The following VPS26C variants were observed in gnomAD, a reference collection of about 807,000 sequenced individuals.
VPS26C encodes the protein VPS26 endosomal protein sorting factor C.
In VPS26C, 19 loss-of-function variants were observed where a neutral mutation model predicts 30.6. That is an observed-to-expected ratio of 0.62 (90% CI 0.43 to 0.91). VPS26C has a LOEUF of 0.91. Ranked by LOEUF, VPS26C falls within the 40% of genes least tolerant of loss-of-function variation. The pLI, the probability that VPS26C is intolerant of heterozygous loss-of-function variation, is 0.00. For missense variants in VPS26C, 318 were observed against 385.1 expected (o/e 0.83, Z 1.46); for synonymous variants, 132 against 151.5 (o/e 0.87, Z 0.95).
intron 1 of VPS26C, among the ~76,000 whole-genome samples, chr21:37,242,137 T>A (rs2086093617): frequency 6.6e-6 from 1 of 152,252 alleles, no homozygotes; most frequent in African/African-American, 2.4e-5. Context: ...AAAATGGAGA[T>A]GACTGTGTTT....
At position 37,225,329 on chromosome 21, in the gene VPS26C, G is replaced by A; in HGVS notation, c.*215C>T. 1.8e-6 allele frequency: 1 copy of A among 562,726 alleles called. No individual in the cohort carries two copies. Among genetic ancestry groups the A allele is most frequent in the Non-Finnish European group, 3.2e-6 (1 of 313,238 alleles). 34.9% of individuals were successfully genotyped at this position (562,726 alleles called of 1,614,324 possible). On this transcript the variant is annotated 3_prime_UTR_variant, in exon 8 of 8. Coordinates refer to ENST00000309117, the MANE Select transcript of VPS26C (RefSeq NM_006052.2). ...GCAAATAGCATTAAGAAATCTTGTT[G>A]AATTTCAAAGAAAAGGTCTGATTAG...
chr21:37,227,559 G>A lies in VPS26C; in HGVS notation c.811+95C>T, dbSNP rs907076779. On this transcript the variant is annotated intron_variant, in intron 7 of 7. Coordinates refer to ENST00000309117, the MANE Select transcript of VPS26C (RefSeq NM_006052.2). ...GGCCCTGGCACTGAGGGACCGAAGG[G>A]CGGCAGGTTCTGAGCTCTGTGACCC... The A allele has an allele frequency of 5.6e-6, 8 of 1,431,502 alleles. No homozygotes were observed. The African/African-American group carries it at 9.9e-5, about 18-fold the overall frequency. 88.7% of individuals were successfully genotyped at this position (1,431,502 alleles called of 1,614,324 possible).
chr21:37,245,473 CTGCAGGACTCGGTTCCGTGAGCCCACATT>C (rs1165104675), intron 1 of VPS26C, among the ~76,000 whole-genome samples: 1 of 152,180 alleles, frequency 6.6e-6, no homozygotes, highest in Non-Finnish European at 1.5e-5. Flanking sequence ...TCTCAGATAC[CTGCAGGACTCGGTTCCGTGAGCCCACATT>C]TGAAACTGTA....
At chr21:37,267,356 G>A (rs369799571), upstream of VPS26C, 550 of 1,478,316 alleles carry the variant, frequency 3.7e-4, 5 homozygotes, top group African/African-American at 6.8e-3. Context: ...AACAAGGGGC[G>A]CCTCCCCGCT....
At chr21:37,235,701 C>T (rs1052136907) in intron 3 of VPS26C, among the ~76,000 whole-genome samples, 2 of 151,670 alleles carry the variant, frequency 1.3e-5, no homozygotes, top group Non-Finnish European at 2.9e-5. Flanking sequence ...TATGAAGTAT[C>T]TAGTAACAAA....
At chr21:37,251,168 C>G (rs2154540) in intron 1 of VPS26C, among the ~76,000 whole-genome samples, 12 of 152,160 alleles carry the variant, frequency 7.9e-5, no homozygotes, top group Admixed American at 6.5e-4. Context: ...AACCTCGTGC[C>G]GGCTATTTGG....
At chr21:37,251,076 T>TA (rs1388476224) in intron 1 of VPS26C, among the ~76,000 whole-genome samples, 1 of 151,814 alleles carries the variant, frequency 6.6e-6, no homozygotes, top group South Asian at 2.1e-4. Flanking sequence ...AAAACAAAGA[T>TA]AAAAAAATGT....
intron 1 of VPS26C, among the ~76,000 whole-genome samples, chr21:37,258,381 C>T (rs1290954631): frequency 6.6e-6 from 1 of 152,144 alleles, no homozygotes; most frequent in Non-Finnish European, 1.5e-5. Context: ...TAAAACCTGG[C>T]GCCAAAAGGA....
chr21:37,243,331 C>G (rs768508046), intron 1 of VPS26C, among the ~76,000 whole-genome samples: 10 of 152,134 alleles, frequency 6.6e-5, no homozygotes, highest in Non-Finnish European at 8.8e-5. Context: ...GAACCCAGAA[C>G]GTATACACCG....
In VPS26C at chr21:37,238,300, T is replaced by G. The variant is rs1341585925; in HGVS notation, c.351+160A>C. On this transcript the variant is annotated intron_variant, in intron 3 of 7. Transcript: ENST00000309117. ...AACGGCCATACATCAAATGCATTTA[T>G]CAGGGAAATGAGAAATTAACGTCGA... 5 of 787,304 alleles carry G rather than the reference T, an allele frequency of 6.4e-6. No homozygotes were observed. The East Asian group carries it at 1.4e-4, about 23-fold the overall frequency. 48.8% of individuals were successfully genotyped at this position (787,304 alleles called of 1,614,324 possible).
intron 1 of VPS26C, among the ~76,000 whole-genome samples, chr21:37,243,244 C>T (rs572311092): frequency 6.6e-6 from 1 of 152,220 alleles, no homozygotes; most frequent in African/African-American, 2.4e-5. Flanking sequence ...AGTACTAATA[C>T]CTCGTCCAAC....
Position 37,232,438 on chromosome 21 carries a change from T to G in VPS26C, c.446A>C (p.Lys149Thr), listed in dbSNP as rs769580382. ...FIVHSAPQKG[K>T]FTPSPVDFTI... Reference sequence around the variant, plus strand: ...GAAGTCCACGGGACTGGGAGTAAACTTCCCCTTCTGAGGCTAAAACGAGAG... The same window carrying G: ...GAAGTCCACGGGACTGGGAGTAAACGTCCCCTTCTGAGGCTAAAACGAGAG... The change falls in exon 5 of 8, where the codon AAG becomes ACG. Residue 149 changes from lysine (K) to threonine (T), a missense_variant. Transcript: ENST00000309117. 2 of 1,614,156 alleles carry G rather than the reference T, an allele frequency of 1.2e-6. No homozygotes were observed. Among genetic ancestry groups the G allele is most frequent in the East Asian group, 2.2e-5 (1 of 44,884 alleles).
chr21:37,266,860 G>C, intron 1 of VPS26C: 1 of 340,724 alleles, frequency 2.9e-6, no homozygotes, highest in South Asian at 2.9e-5. Context: ...TAGGAGAGAG[G>C]GAAAGGGGAG....
chr21:37,259,500 T>C (rs1170307289), intron 1 of VPS26C, among the ~76,000 whole-genome samples: 1 of 152,178 alleles, frequency 6.6e-6, no homozygotes, highest in Non-Finnish European at 1.5e-5. Flanking sequence ...ATGTAAAACA[T>C]TCTGGATTTA....
rs748571541 is a variant in VPS26C, at chr21:37,227,852, GC to G, written c.659-47del. On this transcript the variant is annotated intron_variant, in intron 6 of 7. Coordinates refer to ENST00000309117, the MANE Select transcript of VPS26C (RefSeq NM_006052.2). ...CACGCGGTCAGGGCCAGCAGAGGCT[GC>G]GGGGTCCACATCCGCACCGGCACCA... The G allele has an allele frequency of 1.2e-5, 18 of 1,456,146 alleles. No individual in the cohort carries two copies. The East Asian group carries it at 3.3e-4, about 27-fold the overall frequency. 90.2% of individuals were successfully genotyped at this position (1,456,146 alleles called of 1,614,324 possible). A position where few individuals can be genotyped will look rare whatever the true frequency, so the allele number is the denominator to read the frequency against.
Position 37,227,792 on chromosome 21 carries a change from A to G in VPS26C, c.673T>C (p.Tyr225His), listed in dbSNP as rs746756284. 1.2e-6 allele frequency: 2 copies of G among 1,614,012 alleles called. No homozygotes were observed. The highest frequency in any genetic ancestry group is 1.1e-5 in the South Asian group (1 of 91,074). The change falls in exon 7 of 8, where the codon TAT (tyrosine) becomes CAT (histidine). Residue 225 changes from tyrosine to histidine, a missense_variant. Transcript: ENST00000309117. The part of the protein sequence containing the change: ...RVETCGCAEG[Y>H]ARDATEIQNI... ...TGAATCTCCGTGGCGTCGCGGGCAT[A>G]GCCTTCTGCACACCCTGCGGGAGGG...
Position 37,240,546 on chromosome 21 carries a change from G to A in VPS26C, c.151C>T (p.Leu51Phe). ...LTMEGTVNLQ[L>F]SAKSVGVFEA... ...AACACACCCACACTTTTGGCACTGA[G>A]CTGGAGGTTTACAGTTCCTTCCATG... The change falls in exon 2 of 8, where the codon CTC (leucine) becomes TTC (phenylalanine). Residue 51 changes from leucine (L) to phenylalanine (F), a missense_variant. Physicochemically the swap from Leu to Phe is conservative, Grantham distance 22. Transcript: ENST00000309117. The A allele has an allele frequency of 6.2e-7, 1 of 1,614,168 alleles. No homozygotes were observed. The highest frequency in any genetic ancestry group is 8.5e-7 in the Non-Finnish European group (1 of 1,180,042).
chr21:37,264,503 T>C (rs2086338899), intron 1 of VPS26C, among the ~76,000 whole-genome samples: 1 of 152,202 alleles, frequency 6.6e-6, no homozygotes, highest in African/African-American at 2.4e-5. Context: ...CCACAGAAAA[T>C]ATCTCAGCAT....
At chr21:37,244,316 C>A (rs925100121) in intron 1 of VPS26C, among the ~76,000 whole-genome samples, 1 of 152,256 alleles carries the variant, frequency 6.6e-6, no homozygotes, top group Non-Finnish European at 1.5e-5. Flanking sequence ...CGGCACGCTG[C>A]AACCTCCGCC....
Sources: gnomAD v4.1 joint callset for allele counts (sites outside exome capture counted in the v4.1 genomes callset) on GRCh38, gnomAD v4.1.1 for gene constraint, MANE v1.5 for transcripts, NCBI Gene and HGNC (gene_info 2026-07-23, HGNC 2026-07-21) for gene names.